Variants in REPS2 observed in about 807,000 individuals in gnomAD.
REPS2 encodes the protein RALBP1 associated Eps domain containing 2.
A neutral mutation model predicts 53.6 loss-of-function variants in REPS2; 23 were observed. That is an observed-to-expected ratio of 0.43 (90% CI 0.31 to 0.61). The LOEUF (loss-of-function observed/expected upper bound fraction) is 0.61, where lower values mean the gene tolerates loss of function less well. REPS2 is among the 20% of genes least tolerant of loss of function. The pLI is 0.11. For synonymous variants in REPS2, 238 were observed against 218.6 expected (o/e 1.09, Z -0.78); for missense variants, 446 against 534.9 (o/e 0.83, Z 1.64).
intron 1 of REPS2, among the ~76,000 whole-genome samples, chrX:16,966,034 G>GGTT (rs2060761876): frequency 8.9e-6 from 1 of 112,569 alleles, no homozygotes; most frequent in Non-Finnish European, 1.9e-5. Context: ...CAGGCAGGGA[G>GGTT]GTTGCAGTGA....
chrX:17,141,712 C>T (rs756789643), intron 17 of REPS2, among the ~76,000 whole-genome samples: 62 of 111,992 alleles, frequency 5.5e-4, no homozygotes, highest in Non-Finnish European at 1.1e-3. Context: ...TTTAGCTAGC[C>T]CTGTAGTGAT....
intron 3 of REPS2, 26 bp downstream of exon 3, chrX:17,022,297 A>C (rs1461489069): frequency 7.6e-6 from 9 of 1,179,553 alleles, no homozygotes; most frequent in Non-Finnish European, 8.0e-6. Context: ...AGATGTGTTC[A>C]TTTGATTCTG....
chrX:17,135,357 A>G lies in REPS2; in HGVS notation c.1759A>G (p.Ser587Gly). 1 of 1,212,045 alleles carries G rather than the reference A, an allele frequency of 8.3e-7. No homozygotes were observed. The highest frequency in any genetic ancestry group is 1.1e-6 in the Non-Finnish European group (1 of 895,563). The change falls in exon 16 of 18, where the codon AGT becomes GGT. Residue 587 changes from serine (S) to glycine (G), a missense_variant. Physicochemically the swap from Ser to Gly is moderately conservative, Grantham distance 56. Transcript: ENST00000357277. ...TENQEPSTAA[S>G]GPASAATMKP... ...AAACCAAGAGCCTTCCACTGCTGCA[A>G]GTGGGCCAGCTTCTGCGGCAACCAT...
At chrX:17,050,551 C>G (rs996544627) in intron 6 of REPS2, among the ~76,000 whole-genome samples, 4 of 111,145 alleles carry the variant, frequency 3.6e-5, no homozygotes, top group Non-Finnish European at 7.5e-5. Flanking sequence ...GTAGGCTATA[C>G]CATCTAGGTT....
At chrX:16,973,429 CA>C (rs1355125772) in intron 1 of REPS2, among the ~76,000 whole-genome samples, 11 of 111,575 alleles carry the variant, frequency 9.9e-5, no homozygotes, top group African/African-American at 3.3e-4. Context: ...GTATTTGTGA[CA>C]AATATTTGAT....
chrX:16,946,691 C>A lies in REPS2; in HGVS notation c.-171C>A. ...AGCCCGGGGGTGGGGCCGGCGCGCG[C>A]CGGGAGGAAGCGGCCGCGCGGCAGC... On this transcript the variant is annotated 5_prime_UTR_variant, in exon 1 of 18. Coordinates refer to ENST00000357277, the MANE Select transcript of REPS2 (RefSeq NM_004726.3). 2.1e-6 allele frequency: 1 copy of A among 467,670 alleles called. No individual in the cohort carries two copies. Among genetic ancestry groups the A allele is most frequent in the Non-Finnish European group, 2.6e-6 (1 of 380,859 alleles). 38.5% of individuals were successfully genotyped at this position (467,670 alleles called of 1,213,427 possible).
At chrX:17,056,957 A>C (rs748871346) in intron 8 of REPS2, among the ~76,000 whole-genome samples, 1 of 111,825 alleles carries the variant, frequency 8.9e-6, no homozygotes, top group South Asian at 3.7e-4. Flanking sequence ...TTCCTTTGGG[A>C]GAGTAGAAAA....
At chrX:16,975,178 C>G (rs1013960166) in intron 1 of REPS2, among the ~76,000 whole-genome samples, 1 of 112,073 alleles carries the variant, frequency 8.9e-6, no homozygotes, top group African/African-American at 3.2e-5. Flanking sequence ...AATGAACATA[C>G]GCTTGCATGT....
intron 8 of REPS2, among the ~76,000 whole-genome samples, chrX:17,057,801 G>A (rs915790129): frequency 7.1e-5 from 8 of 112,699 alleles, no homozygotes; most frequent in Non-Finnish European, 1.3e-4. Flanking sequence ...CTATCTTGAC[G>A]CCTACATGGC....
At chrX:17,093,661 C>T (rs1170068233) in intron 13 of REPS2, among the ~76,000 whole-genome samples, 1 of 110,943 alleles carries the variant, frequency 9.0e-6, no homozygotes, top group Non-Finnish European at 1.9e-5. Context: ...ATCATCTTCC[C>T]TCCCCCATTA....
intron 2 of REPS2, among the ~76,000 whole-genome samples, chrX:17,020,248 C>T (rs2061554318): frequency 8.9e-6 from 1 of 112,216 alleles, no homozygotes; most frequent in African/African-American, 3.2e-5. Context: ...TGTTGAATGC[C>T]AGTAAGGCAC....
chrX:17,085,891 C>A (rs1384442434), intron 13 of REPS2, among the ~76,000 whole-genome samples: 3 of 111,673 alleles, frequency 2.7e-5, no homozygotes, highest in Admixed American at 1.9e-4. Context: ...TCATACATAA[C>A]AAAATTAACA....
rs148132356 is a variant in REPS2 at position 17,013,453 on chromosome X, A to T, written c.397+7109A>T. Among the ~76,000 whole-genome samples the T allele has an allele frequency of 3.0e-3, 333 of 111,846 alleles. 1 individual carries two copies. Among genetic ancestry groups the T allele is most frequent in the Non-Finnish European group, 5.5e-3 (292 of 53,154 alleles). ...ATAAAAGCAGTTATTCTCTGGTTGA[A>T]TTGAGGGTGGGGTTCCCTGTGCTTT... is the stretch of plus-strand genomic sequence containing the variant. On this transcript the variant is annotated intron_variant, in intron 2 of 17. Transcript: ENST00000357277.
chrX:17,091,399 T>C (rs142428092), intron 13 of REPS2, among the ~76,000 whole-genome samples: 128 of 111,670 alleles, frequency 1.1e-3, no homozygotes, highest in Non-Finnish European at 2.0e-3. Context: ...ACCTGCCCTG[T>C]AGGTTCAAAA....
At chrX:17,111,624 C>A (rs936079431) in intron 14 of REPS2, among the ~76,000 whole-genome samples, 16 of 111,880 alleles carry the variant, frequency 1.4e-4, no homozygotes, top group African/African-American at 5.2e-4. Flanking sequence ...GATGAAAGAA[C>A]ATACTGAAAG....
In REPS2 at chrX:17,047,327, T is replaced by A. The variant is rs1261733337; in HGVS notation, c.772-20T>A. ...AAAGACAGGTTCTCTGAGCATTTACTTTTTAATTTATTCTTACAGTCCTTT... is the reference window on the plus strand; with the variant it reads ...AAAGACAGGTTCTCTGAGCATTTACATTTTAATTTATTCTTACAGTCCTTT... On this transcript the variant is annotated intron_variant, in intron 5 of 17. Coordinates refer to ENST00000357277, the MANE Select transcript of REPS2 (RefSeq NM_004726.3). 2.5e-6 allele frequency: 3 copies of A among 1,208,271 alleles called. No homozygotes were observed. The highest frequency in any genetic ancestry group is 3.5e-5 in the South Asian group (2 of 56,436).
the REPS2 span, among the ~76,000 whole-genome samples, chrX:17,158,414 G>GA: frequency 9.3e-4 from 103 of 111,220 alleles, no homozygotes; most frequent in African/African-American, 2.9e-3. Context: ...TATCCACATG[G>GA]AAAAAAATGA....
intron 2 of REPS2, among the ~76,000 whole-genome samples, chrX:17,014,546 T>C (rs767963295): frequency 3.0e-4 from 32 of 106,106 alleles, no homozygotes; most frequent in Non-Finnish European, 3.3e-4. Flanking sequence ...ACTGGCCTGA[T>C]TTTTTTTTTT....
chrX:16,963,707 G>T (rs2060694868), intron 1 of REPS2, among the ~76,000 whole-genome samples: 1 of 111,844 alleles, frequency 8.9e-6, no homozygotes, highest in South Asian at 3.7e-4. Context: ...TTCTGTCAGG[G>T]TGTGCAGCAC....
Sources: allele counts gnomAD v4.1 joint callset (sites outside exome capture counted in the v4.1 genomes callset), GRCh38; gene constraint gnomAD v4.1.1; transcripts MANE v1.5; gene names NCBI Gene and HGNC (gene_info 2026-07-23, HGNC 2026-07-21).